The following SEPTIN2 variants were observed in gnomAD, a reference collection of about 807,000 sequenced individuals.
SEPTIN2 encodes the protein septin-2.
SEPTIN2 carries 34 observed loss-of-function variants against 46.5 expected under a neutral mutation model. That is an observed-to-expected ratio of 0.73 (90% CI 0.56 to 0.97). The LOEUF (loss-of-function observed/expected upper bound fraction) is 0.97. Ranked by LOEUF, SEPTIN2 falls within the 50% of genes least tolerant of loss-of-function variation. The probability of loss-of-function intolerance (pLI) is 0.00; values close to 1 mark genes in which losing one functional copy is unlikely to be tolerated. For synonymous variants in SEPTIN2, 175 were observed against 153.4 expected (o/e 1.14, Z -1.04); for missense variants, 347 against 448.4 (o/e 0.77, Z 2.04).
At chr2:241,337,226 C>G (rs2080175055) in intron 5 of SEPTIN2, 156 bp from the exon 6 acceptor site, 1 of 703,718 alleles carries the variant, frequency 1.4e-6, no homozygotes, top group South Asian at 2.4e-5. Context: ...CCAAAAACTT[C>G]CATTTGCCAA....
chr2:241,315,532 A>C (rs2149758765), upstream of SEPTIN2: 2 of 151,012 alleles, frequency 1.3e-5, no homozygotes, highest in East Asian at 2.0e-4. Flanking sequence ...CCTTCCCCCC[A>C]CTCCAGTTAC....
chr2:241,353,802 T>G lies in SEPTIN2; in HGVS notation c.*1865T>G, dbSNP rs904344562. 5 of 153,432 alleles carry G rather than the reference T, an allele frequency of 3.3e-5. No homozygotes were observed. The highest frequency in any genetic ancestry group is 7.3e-5 in the Non-Finnish European group (5 of 68,046). The allele number at this position is 153,432 out of a possible 1,614,324, so 9.5% of individuals were successfully genotyped here. A position where few individuals can be genotyped will look rare whatever the true frequency, so the allele number is the denominator to read the frequency against. On this transcript the variant is annotated 3_prime_UTR_variant, in exon 13 of 13. Coordinates refer to ENST00000391971, the MANE Select transcript of SEPTIN2 (RefSeq NM_004404.5). The stretch of plus-strand genomic sequence containing the variant: ...GTACTTCAGGCACGCTGCCTCCTGG[T>G]AACAGCTATGCAGGGAGGGAGGACC...
intron 11 of SEPTIN2, 42 bp downstream of exon 11, chr2:241,348,233 TTTTG>T (rs1559671417): frequency 1.3e-6 from 2 of 1,559,646 alleles, no homozygotes; most frequent in Non-Finnish European, 1.8e-6. Flanking sequence ...TGGTTGGTTG[TTTTG>T]TTTGTTTTGA....
chr2:241,316,149 T>C, intron 1 of SEPTIN2, 167 bp downstream of exon 1: 1 of 209,322 alleles, frequency 4.8e-6, no homozygotes. Flanking sequence ...CTTCGGCACT[T>C]ATCGTGGGCT....
chr2:241,316,833 A>G, intron 1 of SEPTIN2: 1 of 312,368 alleles, frequency 3.2e-6, no homozygotes, highest in Non-Finnish European at 5.9e-6. Context: ...CAAACTCTTA[A>G]ATCTGGCTAC....
intron 1 of SEPTIN2, among the ~76,000 whole-genome samples, chr2:241,320,584 A>AG (rs1342742111): frequency 6.6e-6 from 1 of 152,154 alleles, no homozygotes; most frequent in Non-Finnish European, 1.5e-5. Flanking sequence ...ACCTGAGGTC[A>AG]GGAAGTTTCA....
At chr2:241,337,242 A>G (rs2150062163) in intron 5 of SEPTIN2, 140 bp from the exon 6 acceptor site, 1 of 810,498 alleles carries the variant, frequency 1.2e-6, no homozygotes, top group Non-Finnish European at 1.8e-6. Flanking sequence ...GCCAAATCTA[A>G]AAGTCAGTCT....
chr2:241,330,255 G>A lies in SEPTIN2; in HGVS notation c.130+4142G>A, dbSNP rs2078779056. Among the ~76,000 whole-genome samples, 3 of 152,156 alleles carry A rather than the reference G, an allele frequency of 2.0e-5. No homozygotes were observed. The South Asian group carries it at 6.2e-4, about 32-fold the overall frequency. On this transcript the variant is annotated intron_variant, in intron 3 of 12. Coordinates refer to ENST00000391971, the MANE Select transcript of SEPTIN2 (RefSeq NM_004404.5). ...TACAGCATGATGAATAAACACCACA[G>A]GGCTTGTGCAGAAAACAGGGACACA...
Position 241,335,118 on chromosome 2 carries a change from A to C in SEPTIN2, c.131-8A>C, listed in dbSNP as rs781588435. ...AGGTCATGACAAGGTTTTTCTTTTT[A>C]TTTAAAGGTGAATCAGGTCTAGGAA... On this transcript the variant is annotated splice_polypyrimidine_tract_variant and splice_region_variant and intron_variant, in intron 3 of 12. Transcript: ENST00000391971. The C allele has an allele frequency of 2.5e-6, 4 of 1,602,460 alleles. No individual in the cohort carries two copies. Among genetic ancestry groups the C allele is most frequent in the Non-Finnish European group, 3.4e-6 (4 of 1,170,460 alleles).
At chr2:241,335,423 C>G in intron 4 of SEPTIN2, 1 of 1,351,194 alleles carries the variant, frequency 7.4e-7, no homozygotes, top group Non-Finnish European at 1.0e-6. Context: ...TGGATCCATC[C>G]TCTCTTGAGT....
intron 11 of SEPTIN2, among the ~76,000 whole-genome samples, chr2:241,349,231 T>C (rs1238807991): frequency 6.6e-6 from 1 of 151,946 alleles, no homozygotes; most frequent in Non-Finnish European, 1.5e-5. Context: ...TAGCCATGCA[T>C]GTCGGCATGC....
chr2:241,330,876 G>T, intron 3 of SEPTIN2, among the ~76,000 whole-genome samples: 1 of 152,192 alleles, frequency 6.6e-6, no homozygotes, highest in East Asian at 1.9e-4. Flanking sequence ...ACCCACTAAA[G>T]ATAAGAAATT....
intron 7 of SEPTIN2, among the ~76,000 whole-genome samples, chr2:241,338,539 C>T (rs1442603242): frequency 6.8e-6 from 1 of 146,232 alleles, no homozygotes; most frequent in Non-Finnish European, 1.5e-5. Flanking sequence ...CACTTGAGCC[C>T]AGAAGTTGGA....
Position 241,337,403 on chromosome 2 carries a change from T to C in SEPTIN2, c.363T>C (p.Tyr121=). ...CRDCFKTIIS[Y]IDEQFERYLH... is the part of the protein sequence containing the mutation. ...TCAGTTTTAAGACAATTATCTCCTA[T>C]ATTGATGAGCAATTTGAGAGGTACC... The change falls in exon 6 of 13, where the codon TAT becomes TAC. Residue 121 remains tyrosine (Y), a synonymous_variant. Transcript: ENST00000391971. 1.2e-6 allele frequency: 2 copies of C among 1,614,020 alleles called. No individual in the cohort carries two copies. Among genetic ancestry groups the C allele is most frequent in the Non-Finnish European group, 1.7e-6 (2 of 1,179,928 alleles).
intron 2 of SEPTIN2, 26 bp from the exon 3 acceptor site, chr2:241,325,966 GT>G: frequency 6.2e-7 from 1 of 1,602,826 alleles, no homozygotes; most frequent in Non-Finnish European, 8.5e-7. Context: ...GTGTTTATTA[GT>G]TTGTTTGTTT....
At chr2:241,351,134 CAG>C (rs2060754295) in intron 12 of SEPTIN2, among the ~76,000 whole-genome samples, 5 of 151,966 alleles carry the variant, frequency 3.3e-5, no homozygotes, top group South Asian at 4.1e-4. Context: ...TTCATGAAAA[CAG>C]GGAGGGGACT....
intron 1 of SEPTIN2, among the ~76,000 whole-genome samples, chr2:241,322,382 G>T (rs2077257976): frequency 1.3e-5 from 2 of 151,818 alleles, no homozygotes; most frequent in Non-Finnish European, 2.9e-5. Flanking sequence ...GAGGCGGGCG[G>T]GTCATGAGGT....
chr2:241,353,131 A>G lies in SEPTIN2; in HGVS notation c.*1194A>G, dbSNP rs1242704860. On this transcript the variant is annotated 3_prime_UTR_variant, in exon 13 of 13. Transcript: ENST00000391971. The stretch of plus-strand genomic sequence containing the variant: ...TAGCAGTCATCATCTTTTTGTGTGC[A>G]GGCTGTCTCATTTATTTTTAGCCAT... 6.6e-6 allele frequency: 1 copy of G among 152,240 alleles called. No homozygotes were observed. The highest frequency in any genetic ancestry group is 1.5e-5 in the Non-Finnish European group (1 of 68,048). 9.4% of individuals were successfully genotyped at this position (152,240 alleles called of 1,614,324 possible). A position where few individuals can be genotyped will look rare whatever the true frequency, so the allele number is the denominator to read the frequency against.
At chr2:241,329,393 G>A (rs191943115) in intron 3 of SEPTIN2, among the ~76,000 whole-genome samples, 5 of 152,116 alleles carry the variant, frequency 3.3e-5, no homozygotes, top group South Asian at 2.1e-4. Flanking sequence ...CTCTCAAAGC[G>A]CTAGGATTAA....
Sources: gnomAD v4.1 joint callset for allele counts (sites outside exome capture counted in the v4.1 genomes callset) on GRCh38, gnomAD v4.1.1 for gene constraint, MANE v1.5 for transcripts, NCBI Gene and HGNC (gene_info 2026-07-23, HGNC 2026-07-21) for gene names.